SAMD4A: variants seen among roughly 807,000 people sequenced by gnomAD.
SAMD4A encodes protein Smaug homolog 1.
In SAMD4A, 33 loss-of-function variants were observed where a neutral mutation model predicts 81.3. The ratio of observed to expected loss-of-function variants is 0.41; its 90% CI spans 0.31 to 0.54. SAMD4A has a LOEUF of 0.54. Among genes scored for constraint, SAMD4A ranks in the 20% least tolerant of loss-of-function variants. The probability of loss-of-function intolerance (pLI) is 0.37; values close to 1 mark genes in which losing one functional copy is unlikely to be tolerated. For missense variants in SAMD4A, 854 were observed against 951.1 expected, an observed-to-expected ratio of 0.90 and a Z score of 1.34; for synonymous variants, 389 against 382.1, an observed-to-expected ratio of 1.02 and a Z score of -0.21.
At position 54,760,177 on chromosome 14, in the gene SAMD4A, G is replaced by A. The variant is rs1209610477; in HGVS notation, c.1193G>A (p.Gly398Asp). The change falls in exon 7 of 13, where the codon GGC becomes GAC. Residue 398 changes from glycine (G) to aspartate (D), a missense_variant. Gly to Asp is a moderately conservative substitution (Grantham distance 94). Transcript: ENST00000554335. ...KSLERDIIEG[G>D]SLRIPLQELH... ...ACCGTCCAGGACATCATCGAGGGGG[G>A]CAGCCTGCGCATCCCGCTCCAGGAA... The A allele has an allele frequency of 1.4e-5, 23 of 1,612,232 alleles. No homozygotes were observed. The highest frequency in any genetic ancestry group is 3.3e-5 in the South Asian group (3 of 90,782).
At chr14:54,699,365 A>C (rs2036655401) in intron 2 of SAMD4A, among the ~76,000 whole-genome samples, 1 of 152,150 alleles carries the variant, frequency 6.6e-6, no homozygotes. Context: ...CTAAATATAG[A>C]GTCAGGGAGC....
At chr14:54,759,979 T>C (rs529156163) in intron 6 of SAMD4A, among the ~76,000 whole-genome samples, 182 bp from the exon 7 acceptor site, 1 of 152,294 alleles carries the variant, frequency 6.6e-6, no homozygotes, top group Non-Finnish European at 1.5e-5. Flanking sequence ...ATTTTCCAAG[T>C]GTTCTTCCTG....
chr14:54,732,618 G>A (rs558743769), intron 3 of SAMD4A, among the ~76,000 whole-genome samples: 11 of 152,144 alleles, frequency 7.2e-5, no homozygotes, highest in African/African-American at 1.9e-4. Flanking sequence ...AGAGAAATAC[G>A]CAATGTATCT....
intron 2 of SAMD4A, chr14:54,681,760 T>C: frequency 1.0e-6 from 1 of 984,098 alleles, no homozygotes; most frequent in Non-Finnish European, 1.2e-6. Context: ...TTTTAATTAG[T>C]TTTTTGATGG....
At chr14:54,626,888 A>G (rs562235164) in intron 2 of SAMD4A, among the ~76,000 whole-genome samples, 1 of 152,336 alleles carries the variant, frequency 6.6e-6, no homozygotes, top group Non-Finnish European at 1.5e-5. Context: ...AGAGCTGAAG[A>G]AACAGAAGTT....
intron 2 of SAMD4A, among the ~76,000 whole-genome samples, chr14:54,615,849 T>C (rs551238100): frequency 6.6e-6 from 1 of 152,282 alleles, no homozygotes; most frequent in East Asian, 1.9e-4. Context: ...TTAAAAATGC[T>C]TTACTCCATT....
At chr14:54,626,015 GGTGTGTGTGTGTGTGTGTGTGTGT>G (rs71446501) in intron 2 of SAMD4A, among the ~76,000 whole-genome samples, 1 of 131,716 alleles carries the variant, frequency 7.6e-6, no homozygotes, top group Non-Finnish European at 1.6e-5. Flanking sequence ...TCTACTGCTA[GGTGTGTGTGTGTGTGTGTGTGTGT>G]GTGTGTGTGT....
intron 4 of SAMD4A, among the ~76,000 whole-genome samples, chr14:54,739,162 A>T (rs530658674): frequency 6.6e-6 from 1 of 150,882 alleles, no homozygotes; most frequent in African/African-American, 2.4e-5. Context: ...AGAAATAAAG[A>T]TAACAGGTTT....
At chr14:54,599,639 C>A (rs1460426170) in intron 2 of SAMD4A, among the ~76,000 whole-genome samples, 1 of 152,186 alleles carries the variant, frequency 6.6e-6, no homozygotes, top group Non-Finnish European at 1.5e-5. Flanking sequence ...TTGTCTTAAT[C>A]TTCTCATCCA....
At chr14:54,782,550 T>C (rs574115238) in intron 11 of SAMD4A, among the ~76,000 whole-genome samples, 1 of 152,294 alleles carries the variant, frequency 6.6e-6, no homozygotes, top group African/African-American at 2.4e-5. Flanking sequence ...TGCCATTCTC[T>C]GTGGCACCCC....
chr14:54,636,714 G>A (rs544047614), intron 2 of SAMD4A, among the ~76,000 whole-genome samples: 1 of 152,264 alleles, frequency 6.6e-6, no homozygotes, highest in South Asian at 2.1e-4. Flanking sequence ...GATATAGGGT[G>A]AGAGAGAAAG....
chr14:54,781,738 G>A (rs77057296), intron 11 of SAMD4A, among the ~76,000 whole-genome samples: 1,528 of 152,346 alleles, frequency 0.01, 75 homozygotes, highest in Admixed American at 0.066. Context: ...TTGGCCTGGT[G>A]GTTTATGTTG....
At chr14:54,770,610 AT>A (rs71131228) in intron 9 of SAMD4A, among the ~76,000 whole-genome samples, 11,605 of 152,206 alleles carry the variant, frequency 0.076, 606 homozygotes, top group African/African-American at 0.14. Flanking sequence ...TGGTAGTGTG[AT>A]TTTTTTCCCC....
chr14:54,660,120 CTT>C (rs1352720328), intron 2 of SAMD4A, among the ~76,000 whole-genome samples: 1 of 151,936 alleles, frequency 6.6e-6, no homozygotes, highest in Non-Finnish European at 1.5e-5. Context: ...TCATCATTCT[CTT>C]GTTTCAGGGG....
At chr14:54,585,439 T>C (rs1393952819) in intron 2 of SAMD4A, among the ~76,000 whole-genome samples, 7 of 152,118 alleles carry the variant, frequency 4.6e-5, no homozygotes, top group Non-Finnish European at 7.4e-5. Flanking sequence ...TTTTAAAAAT[T>C]TTTTAAATTT....
Position 54,656,638 on chromosome 14 carries a change from T to C in SAMD4A, c.197-45424T>C, listed in dbSNP as rs117764958. ...TAGTTTTTTTGTTTGTTTGATTGTA[T>C]GTTTTTTGAGATGGAGTCTCACTGT... On this transcript the variant is annotated intron_variant, in intron 2 of 12. Coordinates refer to ENST00000554335, the MANE Select transcript of SAMD4A (RefSeq NM_015589.6). 1.9e-3 allele frequency among the ~76,000 whole-genome samples: 295 copies of C among 152,322 alleles called. 9 individuals carry two copies. In the East Asian group the frequency reaches 0.049, roughly 25 times the overall value.
chr14:54,685,037 C>T (rs949323994), intron 2 of SAMD4A, among the ~76,000 whole-genome samples: 10 of 152,196 alleles, frequency 6.6e-5, no homozygotes, highest in Non-Finnish European at 1.3e-4. Context: ...GACTGTTAGC[C>T]TGAAAAAGAT....
At chr14:54,606,859 C>T (rs1178220694) in intron 2 of SAMD4A, among the ~76,000 whole-genome samples, 2 of 152,204 alleles carry the variant, frequency 1.3e-5, no homozygotes, top group Non-Finnish European at 2.9e-5. Flanking sequence ...CACATATTCA[C>T]TTATTTGCCA....
intron 2 of SAMD4A, among the ~76,000 whole-genome samples, chr14:54,577,323 T>C (rs2033330245): frequency 6.6e-6 from 1 of 152,148 alleles, no homozygotes; most frequent in South Asian, 2.1e-4. Context: ...CAAGGCAGGG[T>C]GCTGTCAGGT....
Sources: allele counts gnomAD v4.1 joint callset (sites outside exome capture counted in the v4.1 genomes callset), GRCh38; gene constraint gnomAD v4.1.1; transcripts MANE v1.5; gene names NCBI Gene and HGNC (gene_info 2026-07-23, HGNC 2026-07-21).